ANKRD13C: variants seen among roughly 807,000 people sequenced by gnomAD.
ANKRD13C encodes ankyrin repeat domain 13C.
ANKRD13C carries 16 observed loss-of-function variants against 65.5 expected under a neutral mutation model. That is an observed-to-expected ratio of 0.24 (90% CI 0.17 to 0.37). The LOEUF is 0.37. Among genes scored for constraint, ANKRD13C ranks in the 10% least tolerant of loss-of-function variants. The probability of loss-of-function intolerance (pLI) is 1.00; values close to 1 mark genes in which losing one functional copy is unlikely to be tolerated. For synonymous variants in ANKRD13C, 235 were observed against 238.7 expected (o/e 0.98, Z 0.14); for missense variants, 503 against 655.9 (o/e 0.77, Z 2.55).
intron 11 of ANKRD13C, among the ~76,000 whole-genome samples, chr1:70,274,276 C>G (rs1405341143): frequency 6.6e-6 from 1 of 151,208 alleles, no homozygotes; most frequent in Non-Finnish European, 1.5e-5. Flanking sequence ...GAGTTTGATG[C>G]CAGCCTGGCC....
chr1:70,347,995 A>G (rs1045989596), intron 1 of ANKRD13C, among the ~76,000 whole-genome samples: 5 of 152,140 alleles, frequency 3.3e-5, no homozygotes, highest in Non-Finnish European at 1.5e-5. Context: ...TAAAACTACT[A>G]ATGTTCTTTT....
chr1:70,277,405 C>T (rs534593443), intron 9 of ANKRD13C, among the ~76,000 whole-genome samples: 35 of 148,894 alleles, frequency 2.4e-4, no homozygotes, highest in Non-Finnish European at 4.6e-4. Context: ...TGCAGTGAGC[C>T]GAGATCGTGC....
chr1:70,266,525 C>T (rs1271891930), intron 12 of ANKRD13C, among the ~76,000 whole-genome samples: 2 of 152,154 alleles, frequency 1.3e-5, no homozygotes, highest in Non-Finnish European at 2.9e-5. Context: ...GGTTCTTTGC[C>T]TTTCCATCCA....
At chr1:70,323,746 CAG>C (rs1313433950) in intron 3 of ANKRD13C, among the ~76,000 whole-genome samples, 1 of 145,898 alleles carries the variant, frequency 6.9e-6, no homozygotes, top group Non-Finnish European at 1.5e-5. Context: ...TTTTTTGAGA[CAG>C]AGTCTTGCTC....
In ANKRD13C at chr1:70,260,958, A is replaced by C. The variant is rs146031924; in HGVS notation, c.*1759T>G. The stretch of plus-strand genomic sequence containing the variant: ...TTCCTACAAAGTAAGGGAGCCTAGA[A>C]GCAACAGTGATCACTGCCTTTCAGT... On this transcript the variant is annotated 3_prime_UTR_variant, in exon 13 of 13. Coordinates refer to ENST00000370944, the MANE Select transcript of ANKRD13C (RefSeq NM_030816.5). 8.3e-4 allele frequency: 126 copies of C among 152,220 alleles called. No individual in the cohort carries two copies. Among genetic ancestry groups the C allele is most frequent in the African/African-American group, 3.0e-3 (123 of 41,560 alleles). The allele number at this position is 152,220 out of a possible 1,614,324, so 9.4% of individuals were successfully genotyped here.
intron 2 of ANKRD13C, among the ~76,000 whole-genome samples, chr1:70,331,721 T>C (rs966247757): frequency 1.0e-4 from 15 of 144,514 alleles, no homozygotes; most frequent in African/African-American, 3.9e-4. Flanking sequence ...TACTACTAGG[T>C]AGGCTGAGGT....
At position 70,260,338 on chromosome 1, in the gene ANKRD13C, A is replaced by C. The variant is rs1678347067; in HGVS notation, c.*2379T>G. 1.3e-5 allele frequency among the ~76,000 whole-genome samples: 2 copies of C among 152,118 alleles called. No homozygotes were observed. The highest frequency in any genetic ancestry group is 4.1e-4 in the South Asian group (2 of 4,832). ...AAACCATATCTTCTCTGGATACCAT[A>C]CCAGTGGGCAAGAATATTAACCATT... is the stretch of plus-strand genomic sequence containing the variant. On this transcript the variant is annotated 3_prime_UTR_variant, in exon 13 of 13. Transcript: ENST00000370944.
At chr1:70,338,065 C>T (rs986103995) in intron 1 of ANKRD13C, among the ~76,000 whole-genome samples, 1 of 152,032 alleles carries the variant, frequency 6.6e-6, no homozygotes, top group Non-Finnish European at 1.5e-5. Context: ...CGGCAATGCA[C>T]TCCAGCCTGG....
chr1:70,319,025 A>G (rs1011273597), intron 3 of ANKRD13C, among the ~76,000 whole-genome samples: 2 of 152,128 alleles, frequency 1.3e-5, no homozygotes, highest in African/African-American at 2.4e-5. Context: ...TTCCTTCTCT[A>G]AAAACACTAT....
chr1:70,265,767 G>A (rs1027931769), intron 12 of ANKRD13C, among the ~76,000 whole-genome samples: 15 of 139,774 alleles, frequency 1.1e-4, no homozygotes, highest in Admixed American at 5.1e-4. Context: ...AGAAGTTGCA[G>A]TGAGCCGAGA....
chr1:70,337,916 A>C (rs1682119628), intron 1 of ANKRD13C, among the ~76,000 whole-genome samples: 1 of 152,146 alleles, frequency 6.6e-6, no homozygotes, highest in African/African-American at 2.4e-5. Flanking sequence ...CCTGACCAAG[A>C]TGGAGAAGCC....
chr1:70,353,199 T>C (rs570788211), intron 1 of ANKRD13C, among the ~76,000 whole-genome samples: 22 of 152,332 alleles, frequency 1.4e-4, no homozygotes, highest in African/African-American at 5.3e-4. Flanking sequence ...GTCAACTCAG[T>C]CACATTATTT....
At chr1:70,278,473 A>G (rs928622038) in intron 9 of ANKRD13C, among the ~76,000 whole-genome samples, 27 of 152,138 alleles carry the variant, frequency 1.8e-4, no homozygotes, top group African/African-American at 6.3e-4. Context: ...ATGACCCAAG[A>G]TCACACCACT....
intron 3 of ANKRD13C, among the ~76,000 whole-genome samples, chr1:70,322,900 G>A (rs1280540360): frequency 6.6e-6 from 1 of 152,130 alleles, no homozygotes; most frequent in Non-Finnish European, 1.5e-5. Flanking sequence ...GCTGGGGCAG[G>A]AGAATTGCTT....
chr1:70,338,998 T>A (rs933012314), intron 1 of ANKRD13C, among the ~76,000 whole-genome samples: 5 of 152,066 alleles, frequency 3.3e-5, no homozygotes, highest in Admixed American at 2.6e-4. Context: ...GAAGTGAACA[T>A]CTCACTTGAG....
At chr1:70,291,646 C>T (rs545209087) in intron 9 of ANKRD13C, among the ~76,000 whole-genome samples, 6 of 151,972 alleles carry the variant, frequency 3.9e-5, no homozygotes, top group South Asian at 2.1e-4. Flanking sequence ...TTCAAAGCAG[C>T]GGATTTTGAT....
At chr1:70,351,270 G>T (rs1455166146) in intron 1 of ANKRD13C, among the ~76,000 whole-genome samples, 1 of 152,160 alleles carries the variant, frequency 6.6e-6, no homozygotes, top group African/African-American at 2.4e-5. Context: ...AATCCTTACG[G>T]TGAACATAAA....
intron 9 of ANKRD13C, among the ~76,000 whole-genome samples, chr1:70,289,783 C>T (rs1021105647): frequency 6.6e-6 from 1 of 151,934 alleles, no homozygotes; most frequent in Non-Finnish European, 1.5e-5. Context: ...GCCTGTGTTG[C>T]CCAAATTTTT....
chr1:70,282,187 TG>T (rs1280116322), intron 9 of ANKRD13C, among the ~76,000 whole-genome samples: 2 of 151,144 alleles, frequency 1.3e-5, no homozygotes, highest in Non-Finnish European at 2.9e-5. Context: ...CCTGACTAGC[TG>T]GGACTACAGG....
Sources: allele counts gnomAD v4.1 joint callset (sites outside exome capture counted in the v4.1 genomes callset), GRCh38; gene constraint gnomAD v4.1.1; transcripts MANE v1.5; gene names NCBI Gene and HGNC (gene_info 2026-07-23, HGNC 2026-07-21).